PTPRJ: variants seen among roughly 807,000 people sequenced by gnomAD.
PTPRJ encodes protein tyrosine phosphatase receptor type J, also known as receptor-type tyrosine-protein phosphatase eta.
PTPRJ carries 129 observed loss-of-function variants against 141.3 expected under a neutral mutation model. That is an observed-to-expected ratio of 0.91 (90% CI 0.79 to 1.06). The LOEUF is 1.06. Ranked by LOEUF, PTPRJ falls within the 50% of genes least tolerant of loss-of-function variation. The pLI is 0.00. For missense variants in PTPRJ, 1,601 were observed against 1,679.7 expected, an observed-to-expected ratio of 0.95 and a Z score of 0.82; for synonymous variants, 610 against 640.5, an observed-to-expected ratio of 0.95 and a Z score of 0.72.
At chr11:48,022,293 C>T (rs541252894) in intron 1 of PTPRJ, among the ~76,000 whole-genome samples, 5 of 152,022 alleles carry the variant, frequency 3.3e-5, no homozygotes, top group South Asian at 2.1e-4. Context: ...GGAGAAACCC[C>T]GTCTCTACTA....
At chr11:48,042,759 G>GGTGTGT (rs757012527) in intron 1 of PTPRJ, among the ~76,000 whole-genome samples, 2,359 of 146,448 alleles carry the variant, frequency 0.016, 50 homozygotes, top group African/African-American at 0.046. Flanking sequence ...TGTGTGTAGG[G>GGTGTGT]GTGTGTGTGT....
At chr11:48,132,854 C>A in intron 8 of PTPRJ, 1 of 393,498 alleles carries the variant, frequency 2.5e-6, no homozygotes, top group Non-Finnish European at 3.5e-6. Context: ...AATAAGGGAT[C>A]TACTAAAATG....
chr11:48,022,281 A>G (rs1192117365), intron 1 of PTPRJ, among the ~76,000 whole-genome samples: 2 of 152,196 alleles, frequency 1.3e-5, no homozygotes, highest in South Asian at 4.1e-4. Context: ...CCTGGCCAAC[A>G]TGGAGAAACC....
chr11:48,071,283 C>G (rs182526068), intron 1 of PTPRJ, among the ~76,000 whole-genome samples: 28 of 152,218 alleles, frequency 1.8e-4, no homozygotes, highest in African/African-American at 6.7e-4. Context: ...ATATCTTAGT[C>G]TGCTTTTGCT....
chr11:48,030,219 A>G (rs1853942922), intron 1 of PTPRJ, among the ~76,000 whole-genome samples: 1 of 152,226 alleles, frequency 6.6e-6, no homozygotes, highest in African/African-American at 2.4e-5. Context: ...TATGTTACTT[A>G]GGATTAACTT....
chr11:48,152,197 G>A (rs1423593263), intron 18 of PTPRJ, among the ~76,000 whole-genome samples: 1 of 151,950 alleles, frequency 6.6e-6, no homozygotes, highest in Non-Finnish European at 1.5e-5. Context: ...CTGATGGCCA[G>A]CGATGATGAG....
At chr11:48,051,254 C>G (rs1195863909) in intron 1 of PTPRJ, among the ~76,000 whole-genome samples, 1 of 151,948 alleles carries the variant, frequency 6.6e-6, no homozygotes, top group African/African-American at 2.4e-5. Context: ...ACCACCACGC[C>G]TGGCTAATTT....
intron 1 of PTPRJ, among the ~76,000 whole-genome samples, chr11:48,012,463 G>A (rs1854825354): frequency 6.6e-6 from 1 of 152,172 alleles, no homozygotes; most frequent in African/African-American, 2.4e-5. Flanking sequence ...TAAATATGGA[G>A]GGCAGTGTCC....
intron 1 of PTPRJ, among the ~76,000 whole-genome samples, chr11:48,054,212 G>C (rs1590445567): frequency 6.6e-6 from 1 of 152,336 alleles, no homozygotes; most frequent in East Asian, 1.9e-4. Flanking sequence ...GGGATTACAG[G>C]CGTGAGCCAT....
rs74998596 is a variant in PTPRJ, at chr11:47,988,580, G to A, written c.96+7572G>A. Among the ~76,000 whole-genome samples, 993 of 152,198 alleles carry A rather than the reference G, an allele frequency of 6.5e-3. 15 individuals carry two copies. The highest frequency in any genetic ancestry group is 0.022 in the African/African-American group (920 of 41,538). On this transcript the variant is annotated intron_variant, in intron 1 of 24. Coordinates refer to ENST00000418331, the MANE Select transcript of PTPRJ (RefSeq NM_002843.4). ...CATTCTCCTATCAATGGACACTTTA[G>A]TTGTTTTAGTACACCTCCCTGTCCC...
chr11:48,092,006 A>G (rs965307226), intron 1 of PTPRJ, among the ~76,000 whole-genome samples: 2 of 152,178 alleles, frequency 1.3e-5, no homozygotes, highest in African/African-American at 4.8e-5. Flanking sequence ...TTAGAAATGC[A>G]GGTAGGTGGC....
Position 48,139,551 on chromosome 11 carries a change from T to C in PTPRJ, c.2218T>C (p.Trp740Arg). Residue 740 changes from tryptophan (W) to arginine (R), a missense_variant, in exon 11 of 25, where the codon TGG (tryptophan) becomes CGG (arginine). Physicochemically the swap from Trp to Arg is moderately radical, Grantham distance 101. Transcript: ENST00000418331. ...VPKEPALVLK[W>R]TCPPGANAGF... ...CAAAGAGCCAGCCCTGGTTCTCAAA[T>C]GGACCTGCCCTCCTGGCGCCAATGC... 1 of 1,614,214 alleles carries C rather than the reference T, an allele frequency of 6.2e-7. No individual in the cohort carries two copies. The highest frequency in any genetic ancestry group is 8.5e-7 in the Non-Finnish European group (1 of 1,180,032).
chr11:48,131,051 C>CACACATATAT (rs1286082298), intron 8 of PTPRJ, among the ~76,000 whole-genome samples: 1 of 112,074 alleles, frequency 8.9e-6, no homozygotes, highest in African/African-American at 4.0e-5. Context: ...CACACACACA[C>CACACATATAT]ATATATATAT....
At chr11:48,103,642 G>C (rs961764432) in intron 1 of PTPRJ, among the ~76,000 whole-genome samples, 1 of 152,188 alleles carries the variant, frequency 6.6e-6, no homozygotes, top group African/African-American at 2.4e-5. Flanking sequence ...TGAAACAGCT[G>C]CTTTTATCCA....
At chr11:48,094,040 T>C (rs1590493900) in intron 1 of PTPRJ, among the ~76,000 whole-genome samples, 1 of 152,240 alleles carries the variant, frequency 6.6e-6, no homozygotes, top group African/African-American at 2.4e-5. Context: ...TGGTGGGTCA[T>C]TGGCTCCTGA....
chr11:48,128,952 A>G (rs1486964629), intron 7 of PTPRJ, among the ~76,000 whole-genome samples: 3 of 152,168 alleles, frequency 2.0e-5, no homozygotes, highest in Non-Finnish European at 2.9e-5. Context: ...CTCTTTTACT[A>G]TTTATTAGTT....
chr11:48,021,490 G>T (rs1855124031), intron 1 of PTPRJ, among the ~76,000 whole-genome samples: 1 of 152,040 alleles, frequency 6.6e-6, no homozygotes, highest in Non-Finnish European at 1.5e-5. Flanking sequence ...AGATGTTATG[G>T]AAGCCCCAGG....
rs138931104 is a variant in PTPRJ at position 48,092,024 on chromosome 11, G to C, written c.97-18034G>C. On this transcript the variant is annotated intron_variant, in intron 1 of 24. Transcript: ENST00000418331. ...GAAATGCAGGTAGGTGGCTGGGTGC[G>C]GTGGCTCATGCCTGTAATCCCAGCA... Among the ~76,000 whole-genome samples, 1,512 of 151,656 alleles carry C rather than the reference G, an allele frequency of 1.0e-2. 23 individuals are homozygous for C. Among genetic ancestry groups the C allele is most frequent in the African/African-American group, 0.035 (1,427 of 41,330 alleles).
chr11:48,121,315 G>T (rs746477041), intron 4 of PTPRJ, 49 bp downstream of exon 4: 6 of 1,589,338 alleles, frequency 3.8e-6, no homozygotes, highest in Non-Finnish European at 5.2e-6. Flanking sequence ...TCTTATTATG[G>T]TGTATTCTAG....
Sources: allele counts gnomAD v4.1 joint callset (sites outside exome capture counted in the v4.1 genomes callset), GRCh38; gene constraint gnomAD v4.1.1; transcripts MANE v1.5; gene names NCBI Gene and HGNC (gene_info 2026-07-23, HGNC 2026-07-21).